NCOA7: variants seen among roughly 807,000 people sequenced by gnomAD.
The protein encoded by NCOA7 is 140 kDa estrogen receptor-associated protein.
NCOA7 carries 45 observed loss-of-function variants against 104.3 expected under a neutral mutation model. The ratio of observed to expected loss-of-function variants is 0.43; its 90% CI spans 0.34 to 0.55. NCOA7 has a LOEUF of 0.55. Ranked by LOEUF, NCOA7 falls within the 20% of genes least tolerant of loss-of-function variation. The probability of loss-of-function intolerance (pLI) is 0.02; values close to 1 mark genes in which losing one functional copy is unlikely to be tolerated. For synonymous variants in NCOA7, 398 were observed against 402.3 expected, an observed-to-expected ratio of 0.99 and a Z score of 0.13; for missense variants, 1,041 against 1,119.7, an observed-to-expected ratio of 0.93 and a Z score of 1.00.
intron 3 of NCOA7, among the ~76,000 whole-genome samples, chr6:125,871,858 G>A (rs1175106692): frequency 3.9e-5 from 6 of 152,116 alleles, no homozygotes; most frequent in Admixed American, 3.3e-4. Flanking sequence ...TTAATCTGGT[G>A]TGGTGGCATG....
At chr6:125,884,691 T>G (rs1784119810) in intron 7 of NCOA7, among the ~76,000 whole-genome samples, 1 of 152,242 alleles carries the variant, frequency 6.6e-6, no homozygotes. Context: ...GGGACTATTC[T>G]TTGGCACTGT....
At chr6:125,848,218 C>A (rs1340233985) in intron 2 of NCOA7, among the ~76,000 whole-genome samples, 1 of 152,148 alleles carries the variant, frequency 6.6e-6, no homozygotes, top group Non-Finnish European at 1.5e-5. Flanking sequence ...TAAATTAGTT[C>A]AACCATTGTG....
chr6:125,862,234 G>T (rs1254611997), intron 3 of NCOA7, among the ~76,000 whole-genome samples: 2 of 136,280 alleles, frequency 1.5e-5, no homozygotes, highest in Non-Finnish European at 3.1e-5. Flanking sequence ...AGAAATAAGA[G>T]CTTACCTTAG....
chr6:125,848,551 C>T (rs1780831004), intron 2 of NCOA7, among the ~76,000 whole-genome samples: 1 of 152,006 alleles, frequency 6.6e-6, no homozygotes, highest in South Asian at 2.1e-4. Flanking sequence ...ATCACAAGGA[C>T]AGAAAACCAA....
chr6:125,854,989 A>G (rs759207797), intron 2 of NCOA7, 31 bp from the exon 3 acceptor site: 93 of 1,458,684 alleles, frequency 6.4e-5, no homozygotes, highest in Non-Finnish European at 8.0e-5. Context: ...CATCTCTCCA[A>G]TGTTTTTTCT....
Position 125,889,608 on chromosome 6 carries a change from T to C in NCOA7, c.1554T>C (p.Asp518=). Residue 518 remains aspartate (D), a synonymous_variant, in exon 9 of 16, where the codon GAT becomes GAC. Transcript: ENST00000392477. ...CACTGAACATACATGAAGATTTAGA[T>C]AAAGTTAAACTCATTGAATATTACC... The part of the protein sequence containing the change: ...ENTLNIHEDL[D]KVKLIEYYLT... The C allele has an allele frequency of 6.2e-7, 1 of 1,613,712 alleles. No homozygotes were observed. The highest frequency in any genetic ancestry group is 1.1e-5 in the South Asian group (1 of 91,016).
At chr6:125,862,063 A>T (rs1338396481) in intron 3 of NCOA7, among the ~76,000 whole-genome samples, 1 of 125,452 alleles carries the variant, frequency 8.0e-6, no homozygotes, top group Non-Finnish European at 1.7e-5. Context: ...AAAAAAAAAA[A>T]AGAAAGTGAT....
At chr6:125,836,722 G>A (rs1487292283) in intron 2 of NCOA7, among the ~76,000 whole-genome samples, 2 of 152,242 alleles carry the variant, frequency 1.3e-5, no homozygotes, top group African/African-American at 4.8e-5. Context: ...ATGCCTGGGA[G>A]CAGAACATTT....
chr6:125,781,474 AG>A (rs1269935911), intron 1 of NCOA7: 8 of 152,220 alleles, frequency 5.3e-5, no homozygotes, highest in Non-Finnish European at 1.2e-4. Context: ...ATATGAGAAC[AG>A]GAAGATTTAA....
chr6:125,832,103 C>T (rs558546458), intron 2 of NCOA7, among the ~76,000 whole-genome samples: 1 of 152,340 alleles, frequency 6.6e-6, no homozygotes, highest in African/African-American at 2.4e-5. Context: ...CTGCTCTATA[C>T]TTCTTCCGTA....
chr6:125,829,361 A>T (rs1015838985), intron 2 of NCOA7, among the ~76,000 whole-genome samples: 4 of 152,216 alleles, frequency 2.6e-5, no homozygotes, highest in African/African-American at 9.6e-5. Context: ...AGGAATTTTT[A>T]AAATAAACTA....
intron 2 of NCOA7, among the ~76,000 whole-genome samples, chr6:125,837,228 A>T (rs1219252296): frequency 6.6e-6 from 1 of 152,086 alleles, no homozygotes; most frequent in Non-Finnish European, 1.5e-5. Flanking sequence ...TCTTTCCCGG[A>T]TTGAAGTTTG....
intron 3 of NCOA7, among the ~76,000 whole-genome samples, chr6:125,862,748 A>G (rs1420569104): frequency 1.4e-5 from 2 of 138,786 alleles, no homozygotes; most frequent in Non-Finnish European, 3.1e-5. Context: ...TCATGCCTAT[A>G]ATCACAGCAC....
At chr6:125,896,965 A>G (rs2128666907) in intron 10 of NCOA7, among the ~76,000 whole-genome samples, 1 of 152,392 alleles carries the variant, frequency 6.6e-6, no homozygotes, top group Admixed American at 6.5e-5. Flanking sequence ...TATTTAGGAT[A>G]AACTCATTAT....
intron 5 of NCOA7, 96 bp downstream of exon 5, chr6:125,878,466 A>G (rs1475845688): frequency 1.3e-6 from 1 of 742,380 alleles, no homozygotes; most frequent in African/African-American, 1.8e-5. Context: ...CAGGATTATG[A>G]TAAATGATAA....
rs1782372414 is a variant in NCOA7 at position 125,865,492 on chromosome 6, C to G, written c.272-9397C>G. On this transcript the variant is annotated intron_variant, in intron 3 of 15. Transcript: ENST00000392477. ...GAGTATAGGGTTCATTCTTCCCTGA[C>G]ACATCTTTTTTTTTTTAATTTAATT... Among the ~76,000 whole-genome samples, 2 of 134,254 alleles carry G rather than the reference C, an allele frequency of 1.5e-5. 1 individual carries two copies. Among genetic ancestry groups the G allele is most frequent in the African/African-American group, 6.5e-5 (2 of 30,718 alleles). The allele number at this position is 134,254 out of a possible 152,430, so 88.1% of individuals were successfully genotyped here.
At chr6:125,849,491 A>G (rs897816063) in intron 2 of NCOA7, among the ~76,000 whole-genome samples, 1 of 152,222 alleles carries the variant, frequency 6.6e-6, no homozygotes, top group African/African-American at 2.4e-5. Flanking sequence ...TGCCTTCCCC[A>G]AACAGTGATT....
chr6:125,909,566 T>C (rs527849805), intron 10 of NCOA7, among the ~76,000 whole-genome samples: 9 of 152,066 alleles, frequency 5.9e-5, no homozygotes, highest in Non-Finnish European at 1.3e-4. Flanking sequence ...ATCCCAGCAC[T>C]TTGGGAGGCT....
At chr6:125,811,192 C>T (rs1291095858) in intron 1 of NCOA7, among the ~76,000 whole-genome samples, 2 of 152,176 alleles carry the variant, frequency 1.3e-5, no homozygotes, top group East Asian at 3.8e-4. Flanking sequence ...GCATGAGACT[C>T]CATCCTCCAT....
Sources: allele counts gnomAD v4.1 joint callset (sites outside exome capture counted in the v4.1 genomes callset), GRCh38; gene constraint gnomAD v4.1.1; transcripts MANE v1.5; gene names NCBI Gene and HGNC (gene_info 2026-07-23, HGNC 2026-07-21).